The following LINGO2 variants were observed in gnomAD, a reference collection of about 807,000 sequenced individuals.
The protein encoded by LINGO2 is leucine-rich repeat and immunoglobulin-like domain-containing nogo receptor-interacting protein 2.
A neutral mutation model predicts 30.6 loss-of-function variants in LINGO2; 14 were observed. That is an observed-to-expected ratio of 0.46 (90% CI 0.30 to 0.72). The LOEUF (loss-of-function observed/expected upper bound fraction) is 0.72, where lower values mean the gene tolerates loss of function less well. LINGO2 is among the 30% of genes least tolerant of loss of function. The probability of loss-of-function intolerance (pLI) is 0.07; values close to 1 mark genes in which losing one functional copy is unlikely to be tolerated. For synonymous variants in LINGO2, 317 were observed against 288.5 expected (o/e 1.10, Z -1.00); for missense variants, 729 against 751.7 (o/e 0.97, Z 0.35).
chr9:29,089,578 T>C, the LINGO2 span, among the ~76,000 whole-genome samples: 1 of 152,108 alleles, frequency 6.6e-6, no homozygotes, highest in African/African-American at 2.4e-5. Flanking sequence ...CATTCTCCCA[T>C]CTGCTTATTT....
chr9:29,024,349 G>A, the LINGO2 span, among the ~76,000 whole-genome samples: 1 of 151,972 alleles, frequency 6.6e-6, no homozygotes, highest in Non-Finnish European at 1.5e-5. Context: ...TTGAGGCAAA[G>A]GACTGTGTCT....
intron 3 of LINGO2, among the ~76,000 whole-genome samples, chr9:28,367,098 G>A (rs909645598): frequency 1.4e-5 from 2 of 143,390 alleles, no homozygotes; most frequent in African/African-American, 5.5e-5. Context: ...TTATAATTTT[G>A]GTTAAATCAA....
chr9:28,194,037 T>A (rs1225699749), intron 4 of LINGO2, among the ~76,000 whole-genome samples: 1 of 152,162 alleles, frequency 6.6e-6, no homozygotes, highest in African/African-American at 2.4e-5. Context: ...TCTTCTACTT[T>A]AATCTGTTGG....
chr9:28,121,488 G>A (rs1036128499), intron 4 of LINGO2, among the ~76,000 whole-genome samples: 1 of 151,540 alleles, frequency 6.6e-6, no homozygotes, highest in African/African-American at 2.4e-5. Flanking sequence ...TTTCTTTCTT[G>A]TTGTTGGACT....
At chr9:28,507,666 A>T (rs1477946283) in intron 1 of LINGO2, among the ~76,000 whole-genome samples, 1 of 152,146 alleles carries the variant, frequency 6.6e-6, no homozygotes, top group Non-Finnish European at 1.5e-5. Flanking sequence ...ATAAAACTTT[A>T]TGTATTGGTA....
At chr9:28,126,026 T>A (rs1227189134) in intron 4 of LINGO2, among the ~76,000 whole-genome samples, 1 of 152,144 alleles carries the variant, frequency 6.6e-6, no homozygotes. Flanking sequence ...CTGATTTAAA[T>A]AAAGGGCCTT....
the LINGO2 span, among the ~76,000 whole-genome samples, chr9:28,993,889 T>C: frequency 6.6e-6 from 1 of 152,060 alleles, no homozygotes; most frequent in Non-Finnish European, 1.5e-5. Flanking sequence ...GAGCTATCTA[T>C]GACAGACCCA....
chr9:28,980,674 T>C, the LINGO2 span, among the ~76,000 whole-genome samples: 4 of 152,116 alleles, frequency 2.6e-5, no homozygotes, highest in Non-Finnish European at 4.4e-5. Flanking sequence ...CTTTAACTAT[T>C]TGCTCAAAGG....
intron 1 of LINGO2, among the ~76,000 whole-genome samples, chr9:28,478,760 A>T (rs573493076): frequency 6.6e-6 from 1 of 152,220 alleles, no homozygotes; most frequent in Non-Finnish European, 1.5e-5. Context: ...CTTACTTTGT[A>T]ATTTGTCAAT....
chr9:28,975,144 G>C, the LINGO2 span, among the ~76,000 whole-genome samples: 5 of 152,136 alleles, frequency 3.3e-5, no homozygotes. Flanking sequence ...ATAAAGGCTT[G>C]AGGTTGCCTG....
At chr9:28,575,925 A>AATACAC (rs532654912) in intron 1 of LINGO2, among the ~76,000 whole-genome samples, 6 of 49,804 alleles carry the variant, frequency 1.2e-4, no homozygotes, top group Admixed American at 1.2e-3. Context: ...TTAGCCTTGA[A>AATACAC]ATACACACAC....
At chr9:28,180,844 C>T (rs898480130) in intron 4 of LINGO2, among the ~76,000 whole-genome samples, 1 of 152,048 alleles carries the variant, frequency 6.6e-6, no homozygotes, top group African/African-American at 2.4e-5. Context: ...CACACACACA[C>T]ACAGAAAGAA....
chr9:28,677,717 A>G, the LINGO2 span, among the ~76,000 whole-genome samples: 6 of 152,166 alleles, frequency 3.9e-5, no homozygotes, highest in Non-Finnish European at 8.8e-5. Context: ...TGCTACAGTC[A>G]TTTAATAAAC....
At chr9:28,429,820 T>C (rs889441857) in intron 2 of LINGO2, among the ~76,000 whole-genome samples, 1 of 152,192 alleles carries the variant, frequency 6.6e-6, no homozygotes, top group Non-Finnish European at 1.5e-5. Flanking sequence ...TCCATGCATA[T>C]AAAAATTGAG....
chr9:28,348,861 A>T (rs1410966200), intron 3 of LINGO2, among the ~76,000 whole-genome samples: 1 of 152,088 alleles, frequency 6.6e-6, no homozygotes, highest in East Asian at 1.9e-4. Context: ...GGGCAGCCTA[A>T]CTGGGAGGCA....
At chr9:28,570,405 G>A (rs1011436396) in intron 1 of LINGO2, among the ~76,000 whole-genome samples, 2 of 151,786 alleles carry the variant, frequency 1.3e-5, no homozygotes, top group Non-Finnish European at 2.9e-5. Context: ...AAAGAACAAA[G>A]CATTCAGGAA....
intron 1 of LINGO2, among the ~76,000 whole-genome samples, chr9:28,667,251 T>C (rs1052314155): frequency 3.3e-5 from 5 of 152,178 alleles, no homozygotes; most frequent in African/African-American, 1.2e-4. Flanking sequence ...ACTAAACCCA[T>C]GTAATATTAT....
chr9:28,518,114 A>G (rs1820696607), intron 1 of LINGO2, among the ~76,000 whole-genome samples: 1 of 152,144 alleles, frequency 6.6e-6, no homozygotes, highest in Non-Finnish European at 1.5e-5. Context: ...AGCCAGCAGG[A>G]GAGGCTCAGA....
intron 2 of LINGO2, among the ~76,000 whole-genome samples, chr9:28,435,882 T>C (rs970299815): frequency 5.9e-5 from 9 of 152,200 alleles, no homozygotes; most frequent in Non-Finnish European, 8.8e-5. Context: ...GATAAATCAA[T>C]AGAAAGAGTG....
Sources: gnomAD v4.1 joint callset for allele counts (sites outside exome capture counted in the v4.1 genomes callset) on GRCh38, gnomAD v4.1.1 for gene constraint, MANE v1.5 for transcripts, NCBI Gene and HGNC (gene_info 2026-07-23, HGNC 2026-07-21) for gene names.